The following TAF7L variants were observed in gnomAD, a reference collection of about 807,000 sequenced individuals.
TAF7L encodes the protein TATA-box binding protein associated factor 7 like.
TAF7L carries 6 observed loss-of-function variants against 30.2 expected under a neutral mutation model. The observed-to-expected ratio is 0.20, with a 90% CI of 0.11 to 0.39. The LOEUF (loss-of-function observed/expected upper bound fraction) is 0.39, where lower values mean the gene tolerates loss of function less well. Ranked by LOEUF, TAF7L falls within the 10% of genes least tolerant of loss-of-function variation. The probability of loss-of-function intolerance (pLI) is 1.00; values close to 1 mark genes in which losing one functional copy is unlikely to be tolerated. For synonymous variants in TAF7L, 93 were observed against 94.5 expected (o/e 0.98, Z 0.09); for missense variants, 284 against 277.1 (o/e 1.03, Z -0.18).
intron 4 of TAF7L, among the ~76,000 whole-genome samples, 157 bp downstream of exon 4, chrX:101,283,293 C>T (rs1037002546): frequency 2.7e-5 from 3 of 111,634 alleles, no homozygotes; most frequent in African/African-American, 6.5e-5. Context: ...AAACACCAAA[C>T]GAGAACATGA....
chrX:101,270,579 AT>A (rs1307464677), intron 12 of TAF7L, among the ~76,000 whole-genome samples: 2 of 110,646 alleles, frequency 1.8e-5, no homozygotes, highest in Non-Finnish European at 3.8e-5. Flanking sequence ...CCTCTCTCCA[AT>A]TTCCCATTTT....
chrX:101,281,884 CCT>C, intron 5 of TAF7L, 109 bp from the exon 6 acceptor site: 1 of 601,184 alleles, frequency 1.7e-6, no homozygotes, highest in Non-Finnish European at 2.4e-6. Context: ...TGACATCACT[CCT>C]TTTTTTTTTT....
chrX:101,283,063 A>G (rs778197993), intron 4 of TAF7L, among the ~76,000 whole-genome samples: 1 of 112,117 alleles, frequency 8.9e-6, no homozygotes, highest in East Asian at 2.8e-4. Context: ...TGTCTGGCCT[A>G]TCTCAGCATT....
chrX:101,281,579 C>A, intron 6 of TAF7L, 141 bp downstream of exon 6: 1 of 568,601 alleles, frequency 1.8e-6, no homozygotes, highest in Non-Finnish European at 2.9e-6. Context: ...CAGTGCCTGG[C>A]ATTTAGTTCA....
intron 9 of TAF7L, among the ~76,000 whole-genome samples, chrX:101,277,094 G>A (rs1308297230): frequency 2.0e-5 from 2 of 99,205 alleles, no homozygotes; most frequent in Non-Finnish European, 4.0e-5. Flanking sequence ...AGAGGTTGCA[G>A]TGAGCCGAGA....
At chrX:101,292,155 C>T (rs1279882308), upstream of TAF7L, among the ~76,000 whole-genome samples, 3 of 99,682 alleles carry the variant, frequency 3.0e-5, no homozygotes, top group South Asian at 4.8e-4. Context: ...AGGAGAATGG[C>T]GTGAACCCGG....
At chrX:101,280,552 T>C (rs1423964923) in intron 6 of TAF7L, among the ~76,000 whole-genome samples, 1 of 111,815 alleles carries the variant, frequency 8.9e-6, no homozygotes, top group Non-Finnish European at 1.9e-5. Context: ...AATGGTACAG[T>C]CACTCTGGAA....
chrX:101,288,903 A>AT (rs942354969), intron 1 of TAF7L, among the ~76,000 whole-genome samples: 18 of 110,470 alleles, frequency 1.6e-4, no homozygotes, highest in African/African-American at 3.6e-4. Flanking sequence ...TGCAACTTTC[A>AT]TTTTTTTTAA....
intron 7 of TAF7L, among the ~76,000 whole-genome samples, chrX:101,278,602 C>G (rs1249445355): frequency 8.9e-6 from 1 of 112,203 alleles, no homozygotes; most frequent in African/African-American, 3.2e-5. Flanking sequence ...TCCAGTTTTA[C>G]ATAATTATCT....
At chrX:101,278,152 A>G in intron 7 of TAF7L, 31 bp from the exon 8 acceptor site, 1 of 1,112,663 alleles carries the variant, frequency 9.0e-7, no homozygotes, top group Non-Finnish European at 1.2e-6. Flanking sequence ...AGAGGGGGAT[A>G]CCAATACTGT....
chrX:101,286,845 A>G (rs1029427749), intron 2 of TAF7L, among the ~76,000 whole-genome samples, 192 bp from the exon 3 acceptor site: 3 of 111,961 alleles, frequency 2.7e-5, no homozygotes, highest in African/African-American at 9.7e-5. Flanking sequence ...CTAAACTCAT[A>G]ATTGTCTCTT....
intron 4 of TAF7L, 70 bp downstream of exon 4, chrX:101,283,380 A>G (rs1369906563): frequency 5.7e-5 from 64 of 1,131,876 alleles, no homozygotes; most frequent in Non-Finnish European, 6.8e-5. Context: ...GAGTACTGAA[A>G]GAAAGAAAAA....
At chrX:101,292,733 T>A (rs1321196447), upstream of TAF7L, 6 of 1,174,384 alleles carry the variant, frequency 5.1e-6, no homozygotes, top group African/African-American at 1.1e-4. Flanking sequence ...CTAAAAGCAG[T>A]TTGTTTCTCC....
intron 12 of TAF7L, among the ~76,000 whole-genome samples, chrX:101,273,137 T>TA (rs201215710): frequency 0.011 from 1,180 of 111,829 alleles, 14 homozygotes; most frequent in African/African-American, 0.036. Flanking sequence ...TATTGCAGTT[T>TA]AAAAATCTAT....
intron 9 of TAF7L, 60 bp from the exon 10 acceptor site, chrX:101,276,588 C>T: frequency 4.5e-6 from 5 of 1,115,765 alleles, no homozygotes; most frequent in Non-Finnish European, 6.1e-6. Flanking sequence ...GACTCATACT[C>T]CAGATATAAT....
intron 9 of TAF7L, 55 bp from the exon 10 acceptor site, chrX:101,276,583 A>C: frequency 2.7e-6 from 3 of 1,119,209 alleles, no homozygotes; most frequent in Non-Finnish European, 3.6e-6. Flanking sequence ...CAAATGACTC[A>C]TACTCCAGAT....
At chrX:101,279,419 C>T (rs1004261544) in intron 6 of TAF7L, among the ~76,000 whole-genome samples, 4 of 110,892 alleles carry the variant, frequency 3.6e-5, no homozygotes, top group Non-Finnish European at 7.5e-5. Context: ...GTCAGGAGTT[C>T]GAGACCAGCC....
At position 101,275,429 on chromosome X, in the gene TAF7L, C is replaced by T. The variant is rs977316088; in HGVS notation, c.1027-148G>A. On this transcript the variant is annotated intron_variant, in intron 11 of 12. Coordinates refer to ENST00000356784, the MANE Select transcript of TAF7L (RefSeq NM_001168474.2). ...TGTCACCCAGGCTGGAGTGCAGTGG[C>T]GCAATCTTGGCTCATGCAACCTCCG... 9 of 412,813 alleles carry T rather than the reference C, an allele frequency of 2.2e-5. No homozygotes were observed. In the South Asian group the frequency reaches 2.3e-4, roughly 10 times the overall value. The allele number at this position is 412,813 out of a possible 1,213,427, so 34.0% of individuals were successfully genotyped here.
At chrX:101,288,892 C>G (rs1602963808) in intron 1 of TAF7L, among the ~76,000 whole-genome samples, 1 of 111,125 alleles carries the variant, frequency 9.0e-6, no homozygotes, top group East Asian at 2.8e-4. Flanking sequence ...TTCCCCCTAA[C>G]TGCAACTTTC....
Sources: gnomAD v4.1 joint callset for allele counts (sites outside exome capture counted in the v4.1 genomes callset) on GRCh38, gnomAD v4.1.1 for gene constraint, MANE v1.5 for transcripts, NCBI Gene and HGNC (gene_info 2026-07-23, HGNC 2026-07-21) for gene names.